The following ASIC4 variants were observed in gnomAD, a reference collection of about 807,000 sequenced individuals.
ASIC4 encodes the protein acid sensing ion channel subunit family member 4, also known as acid-sensing ion channel 4.
Under a neutral mutation model 53.4 loss-of-function variants are expected in ASIC4, and 28 were observed. The observed-to-expected ratio is 0.52, with a 90% CI of 0.39 to 0.72. ASIC4 has a LOEUF of 0.72. ASIC4 is among the 30% of genes least tolerant of loss of function. ASIC4 has a pLI of 0.00. For synonymous variants in ASIC4, 289 were observed against 301.4 expected, an observed-to-expected ratio of 0.96 and a Z score of 0.43; for missense variants, 649 against 729.7, an observed-to-expected ratio of 0.89 and a Z score of 1.27.
At chr2:219,532,600 C>T in intron 4 of ASIC4, 123 bp downstream of exon 4, 1 of 1,328,514 alleles carries the variant, frequency 7.5e-7, no homozygotes, top group Non-Finnish European at 1.0e-6. Context: ...TGTGTCTGTA[C>T]CCGTGTGAGT....
At position 219,514,580 on chromosome 2, in the gene ASIC4, CCA is replaced by C. The variant is rs1491154793; in HGVS notation, c.-143_-142del. The C allele has an allele frequency of 1.5e-5, 23 of 1,583,444 alleles. No individual in the cohort carries two copies. The African/African-American group carries it at 3.1e-4, about 21-fold the overall frequency. On this transcript the variant is annotated 5_prime_UTR_variant, in exon 1 of 10. Transcript: ENST00000358078. The stretch of plus-strand genomic sequence containing the variant: ...GGAGTGACTCCCCCACCTCGGGCCC[CCA>C]CCCTGTCCCTGTCCTCTTCCCGCTT...
In ASIC4 at chr2:219,535,292, G is replaced by C; in HGVS notation, c.1197G>C (p.Ala399=). 6.2e-7 allele frequency: 1 copy of C among 1,611,782 alleles called. No homozygotes were observed. The highest frequency in any genetic ancestry group is 1.7e-4 in the Middle Eastern group (1 of 5,772). ...IPNRGSARYL[A]RKYNRNETYI... is the part of the protein sequence containing the mutation. ...ACAGGGGCTCAGCCCGGTACCTGGC[G>C]AGGAAGTACAACCGCAACGAGACCT... The change falls in exon 6 of 10, where the codon GCG becomes GCC. Residue 399 remains alanine, a synonymous_variant. Coordinates refer to ENST00000358078, the MANE Select transcript of ASIC4 (RefSeq NM_018674.6).
upstream of ASIC4, among the ~76,000 whole-genome samples, chr2:219,509,634 A>G (rs1418131125): frequency 1.3e-5 from 2 of 151,940 alleles, no homozygotes; most frequent in African/African-American, 4.8e-5. This position sits in a 1 kb window ranked among gnomAD's most constrained non-coding sequence, Gnocchi z 5.2. Flanking sequence ...ACACACCCCA[A>G]GTACATCCTG....
At chr2:219,511,419 C>T (rs1694700444), upstream of ASIC4, among the ~76,000 whole-genome samples, 1 of 150,098 alleles carries the variant, frequency 6.7e-6, no homozygotes, top group Non-Finnish European at 1.5e-5. The surrounding 1 kb of genome is among the most constrained non-coding windows in gnomAD (Gnocchi z 5.3). Flanking sequence ...TGCCCTGTTA[C>T]CAAACCTCGT....
chr2:219,528,284 C>G (rs1244239454), intron 1 of ASIC4, among the ~76,000 whole-genome samples: 2 of 150,478 alleles, frequency 1.3e-5, no homozygotes, highest in Admixed American at 1.3e-4. Flanking sequence ...AGTGCAGTGG[C>G]GTGATCTCAG....
At chr2:219,525,266 T>G (rs1694945075) in intron 1 of ASIC4, among the ~76,000 whole-genome samples, 1 of 152,252 alleles carries the variant, frequency 6.6e-6, no homozygotes, top group Non-Finnish European at 1.5e-5. Context: ...ACTTTGCAAA[T>G]GCCTTTCACA....
chr2:219,519,743 G>A (rs1694856815), intron 1 of ASIC4, among the ~76,000 whole-genome samples: 1 of 152,226 alleles, frequency 6.6e-6, no homozygotes, highest in Non-Finnish European at 1.5e-5. Context: ...ATGGCCCTAG[G>A]AATGAGATTG....
At chr2:219,522,188 G>A (rs1446483238) in intron 1 of ASIC4, among the ~76,000 whole-genome samples, 1 of 152,234 alleles carries the variant, frequency 6.6e-6, no homozygotes, top group East Asian at 1.9e-4. Flanking sequence ...CAGCAGCCGA[G>A]GCGGCAGCAA....
chr2:219,509,500 C>T (rs907889202), upstream of ASIC4, among the ~76,000 whole-genome samples: 2 of 152,160 alleles, frequency 1.3e-5, no homozygotes, highest in East Asian at 3.9e-4. The surrounding 1 kb of genome is among the most constrained non-coding windows in gnomAD (Gnocchi z 5.2). Context: ...CCCGGCCCCG[C>T]CTGCCACCCC....
chr2:219,537,403 T>C lies in ASIC4; in HGVS notation c.1401+82T>C. The C allele has an allele frequency of 6.8e-7, 1 of 1,463,102 alleles. No homozygotes were observed. Among genetic ancestry groups the C allele is most frequent in the Non-Finnish European group, 9.3e-7 (1 of 1,069,670 alleles). The allele number at this position is 1,463,102 out of a possible 1,614,324, so 90.6% of individuals were successfully genotyped here. On this transcript the variant is annotated intron_variant, in intron 8 of 9. Coordinates refer to ENST00000358078, the MANE Select transcript of ASIC4 (RefSeq NM_018674.6). This position sits in a 1 kb window ranked among gnomAD's most constrained non-coding sequence, Gnocchi z 4.9. Reference sequence around the variant, plus strand: ...GGCAGTGCGGGGTGCCTGGTGGAGCTGGCCTGGCTGGAAAGTCAGGTTCAG... The same window carrying C: ...GGCAGTGCGGGGTGCCTGGTGGAGCCGGCCTGGCTGGAAAGTCAGGTTCAG...
In ASIC4 at chr2:219,537,382, G is replaced by GA; in HGVS notation, c.1401+61_1401+62insA. The GA allele has an allele frequency of 6.5e-7, 1 of 1,533,924 alleles. No homozygotes were observed. Among genetic ancestry groups the GA allele is most frequent in the African/African-American group, 1.4e-5 (1 of 73,556 alleles). Reference sequence around the variant, plus strand: ...GCCGTGGGCAAAGCAGAAGGGGGCAGTGCGGGGTGCCTGGTGGAGCTGGCC... The same window carrying GA: ...GCCGTGGGCAAAGCAGAAGGGGGCAGATGCGGGGTGCCTGGTGGAGCTGGCC... On this transcript the variant is annotated intron_variant, in intron 8 of 9. Coordinates refer to ENST00000358078, the MANE Select transcript of ASIC4 (RefSeq NM_018674.6). This position sits in a 1 kb window ranked among gnomAD's most constrained non-coding sequence, Gnocchi z 4.9.
In ASIC4 at chr2:219,537,966, G is replaced by C. The variant is rs115824877; in HGVS notation, c.1540G>C (p.Gly514Arg). ...PCPSRGRVEGGGVSSLLPNHH... is the reference protein window; with the variant it reads ...PCPSRGRVEGRGVSSLLPNHH... ...CCCGAGCCGGGGCCGAGTGGAGGGT[G>C]GGGGGGTCAGCAGTCTGCTCCCCAA... The change falls in exon 10 of 10, where the codon GGG (glycine) becomes CGG (arginine). Residue 514 changes from glycine (G) to arginine (R), a missense_variant. Coordinates refer to ENST00000358078, the MANE Select transcript of ASIC4 (RefSeq NM_018674.6). This position sits in a 1 kb window ranked among gnomAD's most constrained non-coding sequence, Gnocchi z 4.9. The C allele has an allele frequency of 6.2e-6, 10 of 1,606,164 alleles. No homozygotes were observed. The highest frequency in any genetic ancestry group is 5.3e-5 in the African/African-American group (4 of 74,812).
chr2:219,514,689 A>G lies in ASIC4; in HGVS notation c.-36A>G. On this transcript the variant is annotated 5_prime_UTR_variant, in exon 1 of 10. Transcript: ENST00000358078. Reference sequence around the variant, plus strand: ...GCTGCTGGCTAGGGAGGGACAGGGCAGGGAGGCTCTGGCCAGTCCCAGCAG... The same window carrying G: ...GCTGCTGGCTAGGGAGGGACAGGGCGGGGAGGCTCTGGCCAGTCCCAGCAG... The G allele has an allele frequency of 6.2e-7, 1 of 1,613,404 alleles. No homozygotes were observed. Among genetic ancestry groups the G allele is most frequent in the Non-Finnish European group, 8.5e-7 (1 of 1,179,920 alleles).
chr2:219,534,922 C>G (rs968567514), intron 5 of ASIC4, among the ~76,000 whole-genome samples: 5 of 152,136 alleles, frequency 3.3e-5, no homozygotes, highest in Non-Finnish European at 5.9e-5. Flanking sequence ...GAGGACCCCC[C>G]CCCAGTCCCA....
In ASIC4 at chr2:219,536,218, T is replaced by A. The variant is rs1695134611; in HGVS notation, c.1230-848T>A. 6.6e-6 allele frequency among the ~76,000 whole-genome samples: 1 copy of A among 152,192 alleles called. No homozygotes were observed. Among genetic ancestry groups the A allele is most frequent in the African/African-American group, 2.4e-5 (1 of 41,442 alleles). On this transcript the variant is annotated intron_variant, in intron 6 of 9. Transcript: ENST00000358078. The surrounding 1 kb of genome is among the most constrained non-coding windows in gnomAD (Gnocchi z 4.6). ...TCTCTGTCATTACACATATGCCACA[T>A]TTCAGAGTGCTTTGCTTATGCATCT...
chr2:219,538,312 G>A lies in ASIC4; in HGVS notation c.*266G>A, dbSNP rs1276568847. 3.7e-5 allele frequency: 18 copies of A among 483,204 alleles called. No individual in the cohort carries two copies. Among genetic ancestry groups the A allele is most frequent in the Admixed American group, 1.9e-4 (5 of 26,422 alleles). 29.9% of individuals were successfully genotyped at this position (483,204 alleles called of 1,614,324 possible). A position where few individuals can be genotyped will look rare whatever the true frequency, so the allele number is the denominator to read the frequency against. On this transcript the variant is annotated 3_prime_UTR_variant, in exon 10 of 10. Transcript: ENST00000358078. ...CGGAGAGGAAGGGAAGGAAGGAGAGGGAGGGGGAGGATAGAGCCCATCCCA... is the reference window on the plus strand; with the variant it reads ...CGGAGAGGAAGGGAAGGAAGGAGAGAGAGGGGGAGGATAGAGCCCATCCCA...
chr2:219,509,420 G>A (rs1177136372), upstream of ASIC4, among the ~76,000 whole-genome samples: 1 of 152,106 alleles, frequency 6.6e-6, no homozygotes, highest in Non-Finnish European at 1.5e-5. This position sits in a 1 kb window ranked among gnomAD's most constrained non-coding sequence, Gnocchi z 5.2. Context: ...TACTCTTTGA[G>A]GCGAAGCTAC....
In ASIC4 at chr2:219,517,993, C is replaced by G. The variant is rs1264997579; in HGVS notation, c.582+2687C>G. 6.6e-6 allele frequency among the ~76,000 whole-genome samples: 1 copy of G among 152,156 alleles called. No homozygotes were observed. The highest frequency in any genetic ancestry group is 2.4e-5 in the African/African-American group (1 of 41,408). ...ATTTTTACTCCGGGTAATGTGCCCT[C>G]CCCCAGTCCCCTCTGCTGCTGCTCT... is the stretch of plus-strand genomic sequence containing the variant. On this transcript the variant is annotated intron_variant, in intron 1 of 9. Coordinates refer to ENST00000358078, the MANE Select transcript of ASIC4 (RefSeq NM_018674.6). This position sits in a 1 kb window ranked among gnomAD's most constrained non-coding sequence, Gnocchi z 4.2.
intron 1 of ASIC4, among the ~76,000 whole-genome samples, chr2:219,519,107 T>C (rs1432198037): frequency 1.3e-5 from 2 of 152,224 alleles, no homozygotes; most frequent in African/African-American, 4.8e-5. Context: ...GGTTTCACTG[T>C]GTTAGCCAGG....
Sources: allele counts gnomAD v4.1 joint callset (sites outside exome capture counted in the v4.1 genomes callset), GRCh38; gene constraint gnomAD v4.1.1; non-coding constraint Gnocchi (gnomAD v3.1); transcripts MANE v1.5; gene names NCBI Gene and HGNC (gene_info 2026-07-23, HGNC 2026-07-21).